The following SCARA5 variants were observed in gnomAD, a reference collection of about 807,000 sequenced individuals.
SCARA5 encodes scavenger receptor class A, member 5 (putative).
SCARA5 carries 45 observed loss-of-function variants against 46.3 expected under a neutral mutation model. That is an observed-to-expected ratio of 0.97 (90% confidence interval 0.76 to 1.24). The LOEUF (loss-of-function observed/expected upper bound fraction) is 1.24. Ranked by LOEUF, SCARA5 falls within the 50% of genes most tolerant of loss-of-function variation. The probability of loss-of-function intolerance (pLI) is 0.00; values close to 1 mark genes in which losing one functional copy is unlikely to be tolerated. For missense variants in SCARA5, 680 were observed against 689.0 expected, an observed-to-expected ratio of 0.99 and a Z score of 0.15; for synonymous variants, 333 against 306.5, an observed-to-expected ratio of 1.09 and a Z score of -0.90.
intron 2 of SCARA5, 83 bp from the exon 3 acceptor site, chr8:27,966,625 C>G (rs748321423): frequency 1.4e-6 from 2 of 1,398,018 alleles, no homozygotes; most frequent in African/African-American, 2.9e-5. Flanking sequence ...CTCATCTCTC[C>G]CTGATGCATG....
chr8:27,965,159 T>C (rs1284849109), intron 3 of SCARA5, among the ~76,000 whole-genome samples: 2 of 152,208 alleles, frequency 1.3e-5, no homozygotes, highest in Admixed American at 6.5e-5. Context: ...GTCTTTGCCC[T>C]GAGTGTGGAA....
intron 8 of SCARA5, among the ~76,000 whole-genome samples, chr8:27,878,372 G>A (rs920111635): frequency 2.0e-5 from 3 of 152,180 alleles, no homozygotes; most frequent in African/African-American, 7.2e-5. Context: ...GAATGGGTGT[G>A]GGGAGTACCA....
intron 3 of SCARA5, among the ~76,000 whole-genome samples, chr8:27,940,379 T>G (rs1807923935): frequency 1.3e-5 from 2 of 152,200 alleles, no homozygotes; most frequent in African/African-American, 4.8e-5. Context: ...GGACTCACAG[T>G]GCAGTAAGAT....
chr8:27,964,182 C>T lies in SCARA5; in HGVS notation c.241+2232G>A, dbSNP rs140306652. Among the ~76,000 whole-genome samples the T allele has an allele frequency of 9.6e-3, 1,461 of 152,288 alleles. 26 individuals are homozygous for T. Among genetic ancestry groups the T allele is most frequent in the African/African-American group, 0.033 (1,373 of 41,538 alleles). On this transcript the variant is annotated intron_variant, in intron 3 of 8. Transcript: ENST00000354914. The stretch of plus-strand genomic sequence containing the variant: ...CCTTAAAGAACCTCAGACTTGTCCA[C>T]CATCTTGCCAAGTCCCTTTCCTATG...
intron 7 of SCARA5, among the ~76,000 whole-genome samples, chr8:27,884,620 T>G (rs907471702): frequency 4.0e-5 from 6 of 151,632 alleles, no homozygotes; most frequent in Non-Finnish European, 5.9e-5. Flanking sequence ...ACAGGAAGAG[T>G]GTGACTGGGT....
chr8:27,940,269 C>A (rs2685305), intron 3 of SCARA5, among the ~76,000 whole-genome samples: 8 of 152,262 alleles, frequency 5.3e-5, no homozygotes, highest in Admixed American at 3.3e-4. Context: ...ATCTGAGTCC[C>A]ACTTGCCAGG....
intron 2 of SCARA5, among the ~76,000 whole-genome samples, 165 bp from the exon 3 acceptor site, chr8:27,966,707 C>T (rs905519183): frequency 6.6e-6 from 1 of 152,204 alleles, no homozygotes; most frequent in Non-Finnish European, 1.5e-5. Flanking sequence ...GGGAGCTTTC[C>T]AGGACCATCA....
intron 7 of SCARA5, among the ~76,000 whole-genome samples, chr8:27,890,404 G>A (rs1031329815): frequency 2.0e-5 from 3 of 152,226 alleles, no homozygotes; most frequent in Non-Finnish European, 4.4e-5. Flanking sequence ...ATCTGTGAAG[G>A]TTACAAGCAC....
At chr8:27,872,627 C>A (rs1333721434) in intron 8 of SCARA5, among the ~76,000 whole-genome samples, 1 of 152,160 alleles carries the variant, frequency 6.6e-6, no homozygotes, top group Non-Finnish European at 1.5e-5. Context: ...CTCTTCCTGG[C>A]CTGGATAGCT....
In SCARA5 at chr8:27,921,851, C is replaced by T. The variant is rs962109365; in HGVS notation, c.636G>A (p.Arg212=). The change falls in exon 4 of 9, where the codon AGG becomes AGA. Residue 212 remains arginine, a synonymous_variant. Coordinates refer to ENST00000354914, the MANE Select transcript of SCARA5 (RefSeq NM_173833.6). ...HAGLLDGLAR[R]VGILGEELAD... is the part of the protein sequence containing the mutation. ...CCAGCTCCTCGCCCAGGATGCCCAC[C>T]CTGCGCGCCAGCCCGTCCAGCAGGC... 1.0e-5 allele frequency: 16 copies of T among 1,529,096 alleles called. No individual in the cohort carries two copies. Among genetic ancestry groups the T allele is most frequent in the South Asian group, 1.2e-5 (1 of 80,394 alleles). 94.7% of individuals were successfully genotyped at this position (1,529,096 alleles called of 1,614,324 possible).
chr8:27,901,461 A>C (rs906020615), intron 7 of SCARA5, among the ~76,000 whole-genome samples: 12 of 152,128 alleles, frequency 7.9e-5, no homozygotes, highest in Non-Finnish European at 1.5e-4. Context: ...CCCAGGGCGC[A>C]GGGAATGACT....
Position 27,985,046 on chromosome 8 carries a change from T to G in SCARA5, c.112+2458A>C, listed in dbSNP as rs539982770. Among the ~76,000 whole-genome samples the G allele has an allele frequency of 2.6e-5, 4 of 152,354 alleles. No homozygotes were observed. The East Asian group carries it at 7.7e-4, about 29-fold the overall frequency. The stretch of plus-strand genomic sequence containing the variant: ...CAAAAAATGCCTAGTGAGCACTTAC[T>G]GTATGCTGGGCTCAGGAGACATCAA... On this transcript the variant is annotated intron_variant, in intron 2 of 8. Transcript: ENST00000354914.
intron 3 of SCARA5, among the ~76,000 whole-genome samples, chr8:27,927,293 A>G (rs1049961251): frequency 2.6e-5 from 4 of 152,156 alleles, no homozygotes; most frequent in African/African-American, 9.7e-5. Flanking sequence ...CTTGGTCCAT[A>G]TGGGGACGGC....
chr8:27,982,513 G>A (rs1269846684), intron 2 of SCARA5, among the ~76,000 whole-genome samples: 3 of 152,158 alleles, frequency 2.0e-5, no homozygotes, highest in African/African-American at 7.2e-5. Context: ...GGTCCTATTT[G>A]GGCTTGGCCC....
chr8:27,928,871 G>C (rs1393317814), intron 3 of SCARA5, among the ~76,000 whole-genome samples: 1 of 152,040 alleles, frequency 6.6e-6, no homozygotes, highest in African/African-American at 2.4e-5. Flanking sequence ...TCGCCACGTT[G>C]GCCAGGCTGT....
At chr8:27,971,204 C>T (rs934569155) in intron 2 of SCARA5, among the ~76,000 whole-genome samples, 4 of 152,178 alleles carry the variant, frequency 2.6e-5, no homozygotes, top group African/African-American at 9.7e-5. Flanking sequence ...AATTGCAATA[C>T]AGGGAAGAAT....
intron 1 of SCARA5, among the ~76,000 whole-genome samples, chr8:27,988,570 T>C (rs1278403404): frequency 6.6e-6 from 1 of 152,240 alleles, no homozygotes; most frequent in Non-Finnish European, 1.5e-5. Context: ...GGGGATTTAA[T>C]ATTCCTTTTT....
At chr8:27,889,280 AC>A (rs1806945868) in intron 7 of SCARA5, among the ~76,000 whole-genome samples, 2 of 152,242 alleles carry the variant, frequency 1.3e-5, no homozygotes, top group Non-Finnish European at 2.9e-5. Context: ...GTTGTCGGCA[AC>A]AGATGTCCCA....
At chr8:27,930,427 A>G in intron 3 of SCARA5, among the ~76,000 whole-genome samples, 1 of 148,490 alleles carries the variant, frequency 6.7e-6, no homozygotes, top group Admixed American at 6.8e-5. Context: ...TTTGAGACGG[A>G]GTTTCATTCT....
Sources: allele counts gnomAD v4.1 joint callset (sites outside exome capture counted in the v4.1 genomes callset), GRCh38; gene constraint gnomAD v4.1.1; transcripts MANE v1.5; gene names NCBI Gene and HGNC (gene_info 2026-07-23, HGNC 2026-07-21).